FMR1: variants seen among roughly 807,000 people sequenced by gnomAD.
FMR1 encodes the protein FMRP translational regulator 1.
FMR1 carries 13 observed loss-of-function variants against 50.6 expected under a neutral mutation model. The observed-to-expected ratio is 0.26, with a 90% CI of 0.17 to 0.41. FMR1 has a LOEUF of 0.41. Ranked by LOEUF, FMR1 falls within the 10% of genes least tolerant of loss-of-function variation. FMR1 has a pLI of 1.00. For synonymous variants in FMR1, 138 were observed against 164.1 expected (o/e 0.84, Z 1.22); for missense variants, 316 against 491.3 (o/e 0.64, Z 3.37).
chrX:147,932,219 CAT>C (rs2043632378), intron 7 of FMR1, among the ~76,000 whole-genome samples: 1 of 111,490 alleles, frequency 9.0e-6, no homozygotes, highest in African/African-American at 3.3e-5. Flanking sequence ...TTAACAAAAA[CAT>C]ATAAAATGTC....
intron 3 of FMR1, among the ~76,000 whole-genome samples, chrX:147,925,949 G>A (rs977567291): frequency 5.4e-5 from 6 of 111,700 alleles, no homozygotes; most frequent in Non-Finnish European, 1.1e-4. Context: ...TTACAACTGT[G>A]TCCCCATTGT....
chrX:147,932,794 A>G, intron 9 of FMR1, 31 bp downstream of exon 9: 1 of 975,924 alleles, frequency 1.0e-6, no homozygotes, highest in Non-Finnish European at 1.5e-6. Flanking sequence ...GACATATAGT[A>G]CAACAACTAA....
chrX:147,940,344 TATA>T (rs781929908), intron 12 of FMR1: 1 of 381,067 alleles, frequency 2.6e-6, no homozygotes, highest in African/African-American at 2.6e-5. Flanking sequence ...TACTAGTCTT[TATA>T]ATAATCTGAT....
At chrX:147,912,607 C>T (rs2042640112) in intron 1 of FMR1, 1 of 302,382 alleles carries the variant, frequency 3.3e-6, no homozygotes, top group African/African-American at 2.7e-5. Context: ...CATCATCTCC[C>T]AGCGGGATCC....
At chrX:147,928,286 A>T in intron 3 of FMR1, 36 bp from the exon 4 acceptor site, 1 of 1,114,177 alleles carries the variant, frequency 9.0e-7, no homozygotes, top group South Asian at 1.9e-5. Flanking sequence ...AAATTATGTT[A>T]ATCATGAAAT....
chrX:147,943,261 T>C lies in FMR1; in HGVS notation c.1406T>C (p.Met469Thr). 8.3e-7 allele frequency: 1 copy of C among 1,211,013 alleles called. No individual in the cohort carries two copies. Among genetic ancestry groups the C allele is most frequent in the Non-Finnish European group, 1.1e-6 (1 of 895,055 alleles). ...TATGTGACTGATGATGGTCAAGGAA[T>C]GGGTCGAGGTAGTAGACCTTACAGA... Reference protein sequence around the residue: ...KSYVTDDGQGMGRGSRPYRNR... With the variant: ...KSYVTDDGQGTGRGSRPYRNR... Residue 469 changes from methionine (M) to threonine (T), a missense_variant, in exon 14 of 17, where the codon ATG (methionine) becomes ACG (threonine). Coordinates refer to ENST00000370475, the MANE Select transcript of FMR1 (RefSeq NM_002024.6).
At chrX:147,923,544 C>T (rs782214447) in intron 2 of FMR1, among the ~76,000 whole-genome samples, 3 of 111,717 alleles carry the variant, frequency 2.7e-5, no homozygotes, top group East Asian at 5.6e-4. Context: ...TAAGCAAACA[C>T]TCATTTCCTC....
intron 13 of FMR1, among the ~76,000 whole-genome samples, chrX:147,942,056 T>G (rs1030206776): frequency 1.2e-4 from 13 of 112,713 alleles, no homozygotes; most frequent in African/African-American, 1.6e-4. Flanking sequence ...TTTGCTCAAA[T>G]TCTATGTAAA....
intron 11 of FMR1, among the ~76,000 whole-genome samples, chrX:147,937,891 A>G (rs948512068): frequency 1.8e-5 from 2 of 111,908 alleles, no homozygotes; most frequent in African/African-American, 6.5e-5. Context: ...CTCTCTTTAA[A>G]TTTTGCAGGT....
At chrX:147,940,174 A>C (rs1460219637) in intron 12 of FMR1, 2 of 112,895 alleles carry the variant, frequency 1.8e-5, no homozygotes, top group Non-Finnish European at 3.6e-5. Context: ...AAAAAAAAAA[A>C]AAAAACAAAA....
chrX:147,914,585 A>G (rs2042755031), intron 1 of FMR1: 1 of 112,125 alleles, frequency 8.9e-6, no homozygotes, highest in Non-Finnish European at 1.9e-5. Context: ...TTTGCCTAAC[A>G]TAACCACCAT....
In FMR1 at chrX:147,950,235, T is replaced by A. The variant is rs1557183333; in HGVS notation, c.*1391T>A. On this transcript the variant is annotated 3_prime_UTR_variant, in exon 17 of 17. Coordinates refer to ENST00000370475, the MANE Select transcript of FMR1 (RefSeq NM_002024.6). Reference sequence around the variant, plus strand: ...GAAGTTCTGCCTCTGATGTATTTTGTGAGTTTGTTTCTTTGAATTTTCATT... The same window carrying A: ...GAAGTTCTGCCTCTGATGTATTTTGAGAGTTTGTTTCTTTGAATTTTCATT... The A allele has an allele frequency of 3.0e-6, 1 of 329,783 alleles. No individual in the cohort carries two copies. Among genetic ancestry groups the A allele is most frequent in the Admixed American group, 3.1e-5 (1 of 32,312 alleles). The allele number at this position is 329,783 out of a possible 1,213,427, so 27.2% of individuals were successfully genotyped here.
intron 1 of FMR1, among the ~76,000 whole-genome samples, chrX:147,919,795 C>T (rs1362727729): frequency 2.7e-5 from 3 of 111,813 alleles, no homozygotes; most frequent in African/African-American, 9.7e-5. Context: ...TTTCCAGGGC[C>T]CTGTCTCAGC....
chrX:147,944,735 A>G, intron 14 of FMR1, 134 bp from the exon 15 acceptor site: 2 of 1,083,734 alleles, frequency 1.8e-6, no homozygotes, highest in Non-Finnish European at 2.4e-6. Flanking sequence ...ATGGAAAGTG[A>G]TAATACTCTT....
At chrX:147,946,805 CT>C (rs1433699163) in intron 16 of FMR1, 1 of 112,264 alleles carries the variant, frequency 8.9e-6, no homozygotes, top group Non-Finnish European at 1.9e-5. Context: ...GTGAGAGATA[CT>C]TTTTAAGACA....
At position 147,921,821 on chromosome X, in the gene FMR1, A is replaced by G. The variant is rs25726; in HGVS notation, c.52-112A>G. 68,559 of 504,986 alleles carry G rather than the reference A, an allele frequency of 0.14. 3,346 individuals carry two copies. Among genetic ancestry groups the G allele is most frequent in the South Asian group, 0.18 (6,164 of 34,871 alleles). The allele number at this position is 504,986 out of a possible 1,213,427, so 41.6% of individuals were successfully genotyped here. On this transcript the variant is annotated intron_variant, in intron 1 of 16. Coordinates refer to ENST00000370475, the MANE Select transcript of FMR1 (RefSeq NM_002024.6). ...TCTTCAAAAACTGACCTTCATTTGA[A>G]GTTCTATTTTATTCATAAACACATA...
intron 14 of FMR1, chrX:147,944,159 G>C (rs2044097098): frequency 1.3e-6 from 1 of 752,189 alleles, no homozygotes; most frequent in Non-Finnish European, 1.6e-6. Flanking sequence ...CCAACAGTCT[G>C]TTCTTTTTAC....
In FMR1 at chrX:147,918,593, C is replaced by T. The variant is rs1301757732; in HGVS notation, c.52-3340C>T. On this transcript the variant is annotated intron_variant, in intron 1 of 16. Coordinates refer to ENST00000370475, the MANE Select transcript of FMR1 (RefSeq NM_002024.6). ...TTTTTTTTTTTTTGAATAGCTACAG[C>T]ACTTGCAGATCTTCCTCCTTTGAGA... Among the ~76,000 whole-genome samples, 12 of 57,484 alleles carry T rather than the reference C, an allele frequency of 2.1e-4. No homozygotes were observed. In the Admixed American group the frequency reaches 2.9e-3, roughly 14 times the overall value. The allele number at this position is 57,484 out of a possible 115,157, so 49.9% of individuals were successfully genotyped here. A position where few individuals can be genotyped will look rare whatever the true frequency, so the allele number is the denominator to read the frequency against.
rs1490888144 is a variant in FMR1, at chrX:147,912,072, CGGCGGCGGA to C, written c.-99_-91del. 1.6e-3 allele frequency: 491 copies of C among 299,403 alleles called. 27 individuals carry two copies. Among genetic ancestry groups the C allele is most frequent in the Non-Finnish European group, 2.0e-3 (451 of 228,859 alleles). The allele number at this position is 299,403 out of a possible 1,213,427, so 24.7% of individuals were successfully genotyped here. On this transcript the variant is annotated 5_prime_UTR_variant, in exon 1 of 17. Coordinates refer to ENST00000370475, the MANE Select transcript of FMR1 (RefSeq NM_002024.6). ...AGCGCGGCGGCGGCGGCGGCGGCGG[CGGCGGCGGA>C]GGCGGCGGCGGCGGCGGCGGCGGCG...
Sources: allele counts gnomAD v4.1 joint callset (sites outside exome capture counted in the v4.1 genomes callset), GRCh38; gene constraint gnomAD v4.1.1; transcripts MANE v1.5; gene names NCBI Gene and HGNC (gene_info 2026-07-23, HGNC 2026-07-21).